ROBO2: variants seen among roughly 807,000 people sequenced by gnomAD.
ROBO2 encodes the protein roundabout guidance receptor 2, also known as roundabout homolog 2.
In ROBO2, 53 loss-of-function variants were observed where a neutral mutation model predicts 160.8. The observed-to-expected ratio is 0.33, with a 90% CI of 0.26 to 0.41. ROBO2 has a LOEUF of 0.41. Ranked by LOEUF, ROBO2 falls within the 10% of genes least tolerant of loss-of-function variation. ROBO2 has a pLI of 1.00. For missense variants in ROBO2, 1,577 were observed against 1,722.4 expected, an observed-to-expected ratio of 0.92 and a Z score of 1.49; for synonymous variants, 664 against 611.7, an observed-to-expected ratio of 1.09 and a Z score of -1.26.
intron 2 of ROBO2, chr3:77,317,539 T>A (rs1431009291): frequency 1.4e-6 from 2 of 1,400,230 alleles, no homozygotes; most frequent in Non-Finnish European, 2.0e-6. Flanking sequence ...ATTAAGCCAA[T>A]CCATAGCCCT....
chr3:76,039,473 GT>G (rs2067215895), intron 2 of ROBO2, among the ~76,000 whole-genome samples: 1 of 151,942 alleles, frequency 6.6e-6, no homozygotes, highest in Non-Finnish European at 1.5e-5. Flanking sequence ...GGTAAATGGT[GT>G]TTGTGATGAA....
intron 2 of ROBO2, among the ~76,000 whole-genome samples, chr3:76,246,318 GTA>G (rs953888268): frequency 2.6e-5 from 4 of 152,044 alleles, no homozygotes; most frequent in African/African-American, 9.7e-5. Context: ...AAGGCACAGG[GTA>G]TAATTCAATT....
rs77168985 is a variant in ROBO2 at position 76,338,535 on chromosome 3, T to C, written c.109+400933T>C. On this transcript the variant is annotated intron_variant, in intron 2 of 26. Coordinates refer to the ROBO2 transcript ENST00000487694. ...CTTAAAAAAAAAAATTAGCCAGACATAGTGGTGCATGCCTGTAGTACTATC... is the reference window on the plus strand; with the variant it reads ...CTTAAAAAAAAAAATTAGCCAGACACAGTGGTGCATGCCTGTAGTACTATC... Among the ~76,000 whole-genome samples the C allele has an allele frequency of 1.8e-4, 27 of 151,724 alleles. No homozygotes were observed. In the East Asian group the frequency reaches 4.9e-3, roughly 27 times the overall value.
chr3:76,505,995 A>G (rs1291826111), intron 2 of ROBO2, among the ~76,000 whole-genome samples: 1 of 152,214 alleles, frequency 6.6e-6, no homozygotes, highest in Non-Finnish European at 1.5e-5. Context: ...CATTTTGAAA[A>G]GCACTGATGA....
chr3:76,379,667 A>G (rs954702135), intron 2 of ROBO2, among the ~76,000 whole-genome samples: 1 of 152,220 alleles, frequency 6.6e-6, no homozygotes, highest in Non-Finnish European at 1.5e-5. Context: ...TGCAAAATAT[A>G]TATAATTGCA....
chr3:76,253,259 A>T (rs1172960312), intron 2 of ROBO2, among the ~76,000 whole-genome samples: 1 of 151,956 alleles, frequency 6.6e-6, no homozygotes, highest in Non-Finnish European at 1.5e-5. Context: ...ATCACTTTAA[A>T]AAGTTATGTT....
intron 8 of ROBO2, among the ~76,000 whole-genome samples, chr3:77,556,295 T>C (rs2093118105): frequency 6.6e-6 from 1 of 151,932 alleles, no homozygotes; most frequent in Non-Finnish European, 1.5e-5. Context: ...CAATATTTTC[T>C]TAAAATGTTT....
At chr3:77,505,702 T>C (rs1396122343) in intron 5 of ROBO2, among the ~76,000 whole-genome samples, 3 of 152,150 alleles carry the variant, frequency 2.0e-5, no homozygotes, top group African/African-American at 7.2e-5. Flanking sequence ...AGCTAATATT[T>C]ACAAGTGCTT....
chr3:77,546,283 A>G, intron 6 of ROBO2, 55 bp from the exon 8 acceptor site: 2 of 1,594,140 alleles, frequency 1.3e-6, no homozygotes, highest in Admixed American at 1.7e-5. Context: ...TCCTTGACAT[A>G]TTTTTATTTG....
At chr3:77,239,085 T>C (rs2088545558) in intron 2 of ROBO2, among the ~76,000 whole-genome samples, 1 of 152,146 alleles carries the variant, frequency 6.6e-6, no homozygotes, top group Non-Finnish European at 1.5e-5. Context: ...TCCCTCTGTG[T>C]CTGGAATTGG....
chr3:76,375,952 C>A (rs191432876), intron 2 of ROBO2, among the ~76,000 whole-genome samples: 1 of 151,922 alleles, frequency 6.6e-6, no homozygotes, highest in Non-Finnish European at 1.5e-5. Flanking sequence ...ATCTTCTATG[C>A]CCTTCATAGG....
intron 2 of ROBO2, among the ~76,000 whole-genome samples, chr3:77,351,700 T>C (rs1455035431): frequency 6.6e-6 from 1 of 152,168 alleles, no homozygotes; most frequent in African/African-American, 2.4e-5. Flanking sequence ...ATTGTCATAA[T>C]TAACCAGGTT....
chr3:77,211,501 G>A (rs867357323), intron 2 of ROBO2, among the ~76,000 whole-genome samples: 2 of 152,326 alleles, frequency 1.3e-5, no homozygotes, highest in African/African-American at 4.8e-5. Flanking sequence ...TGTCAGATGA[G>A]TAGATTGCAA....
chr3:76,242,263 C>T (rs1395045466), intron 2 of ROBO2, among the ~76,000 whole-genome samples: 1 of 152,184 alleles, frequency 6.6e-6, no homozygotes, highest in African/African-American at 2.4e-5. Context: ...CTACTAAAAA[C>T]ACAACTGCCC....
At chr3:76,592,438 T>C (rs1187204500) in intron 2 of ROBO2, among the ~76,000 whole-genome samples, 1 of 152,136 alleles carries the variant, frequency 6.6e-6, no homozygotes, top group Non-Finnish European at 1.5e-5. Context: ...CATACATATT[T>C]GCTATGCTGT....
chr3:77,304,998 C>T (rs2062977083), intron 2 of ROBO2, among the ~76,000 whole-genome samples: 1 of 152,172 alleles, frequency 6.6e-6, no homozygotes, highest in Non-Finnish European at 1.5e-5. Flanking sequence ...TTTATTGTGA[C>T]TGGTATTTAA....
At chr3:77,182,445 C>T (rs2080876665) in intron 2 of ROBO2, among the ~76,000 whole-genome samples, 1 of 152,010 alleles carries the variant, frequency 6.6e-6, no homozygotes, top group Non-Finnish European at 1.5e-5. Flanking sequence ...GAGGCATGTG[C>T]AAGCTTGAAC....
At chr3:76,832,908 G>A (rs1422380075) in intron 2 of ROBO2, among the ~76,000 whole-genome samples, 1 of 152,090 alleles carries the variant, frequency 6.6e-6, no homozygotes, top group African/African-American at 2.4e-5. Flanking sequence ...TTATCAGAGA[G>A]AAAACATGAT....
intron 2 of ROBO2, among the ~76,000 whole-genome samples, chr3:76,014,012 C>T (rs1464633307): frequency 4.8e-5 from 7 of 146,860 alleles, no homozygotes; most frequent in Admixed American, 1.4e-4. Context: ...GTGGTTTATG[C>T]GTGTAATCCC....
Sources: gnomAD v4.1 joint callset for allele counts (sites outside exome capture counted in the v4.1 genomes callset) on GRCh38, gnomAD v4.1.1 for gene constraint, MANE v1.5 for transcripts, NCBI Gene and HGNC (gene_info 2026-07-23, HGNC 2026-07-21) for gene names.